EIF4G3: variants seen among roughly 807,000 people sequenced by gnomAD.
EIF4G3 encodes the protein eukaryotic translation initiation factor 4 gamma 3, also known as eIF-4-gamma 3.
Under a neutral mutation model 186.4 loss-of-function variants are expected in EIF4G3, and 34 were observed. That is an observed-to-expected ratio of 0.18 (90% CI 0.14 to 0.24). EIF4G3 has a LOEUF of 0.24. EIF4G3 is among the 10% of genes least tolerant of loss of function. The pLI is 1.00. For synonymous variants in EIF4G3, 673 were observed against 679.5 expected, an observed-to-expected ratio of 0.99 and a Z score of 0.15; for missense variants, 1,536 against 1,948.5, an observed-to-expected ratio of 0.79 and a Z score of 3.99.
intron 13 of EIF4G3, among the ~76,000 whole-genome samples, chr1:20,948,536 A>C (rs922883229): frequency 3.3e-5 from 5 of 152,136 alleles, no homozygotes; most frequent in African/African-American, 4.8e-5. Flanking sequence ...GGAAAATGAA[A>C]TTTCTATACT....
intron 14 of EIF4G3, among the ~76,000 whole-genome samples, chr1:20,914,857 G>A (rs1312177800): frequency 1.3e-5 from 2 of 152,052 alleles, no homozygotes; most frequent in African/African-American, 4.8e-5. Flanking sequence ...GGTCTATCTT[G>A]GTAAATCTTC....
intron 32 of EIF4G3, among the ~76,000 whole-genome samples, chr1:20,826,895 G>A (rs2063797036): frequency 6.6e-6 from 1 of 152,120 alleles, no homozygotes; most frequent in African/African-American, 2.4e-5. Context: ...TAAGCAAAGA[G>A]TAGTATTAAC....
chr1:20,841,175 T>A, intron 29 of EIF4G3, 147 bp from the exon 30 acceptor site: 2 of 739,596 alleles, frequency 2.7e-6, no homozygotes, highest in African/African-American at 1.8e-5. Flanking sequence ...TATATTTGTT[T>A]AACATAATTT....
At chr1:21,085,901 C>A (rs1467200374) in intron 3 of EIF4G3, among the ~76,000 whole-genome samples, 1 of 152,078 alleles carries the variant, frequency 6.6e-6, no homozygotes, top group Non-Finnish European at 1.5e-5. Context: ...ACCATGTTGG[C>A]CAGGATGGTC....
chr1:21,058,200 T>C (rs199589425), intron 3 of EIF4G3, among the ~76,000 whole-genome samples: 1 of 151,850 alleles, frequency 6.6e-6, no homozygotes, highest in Admixed American at 6.6e-5. Flanking sequence ...GGAAACAAAA[T>C]GGGAAAAAAC....
chr1:20,902,297 C>T (rs2090597994), intron 15 of EIF4G3, among the ~76,000 whole-genome samples: 1 of 152,272 alleles, frequency 6.6e-6, no homozygotes, highest in Middle Eastern at 3.4e-3. Context: ...CTTCTGGCCT[C>T]GTGATCTGCC....
chr1:21,111,242 G>C (rs537579998), intron 2 of EIF4G3: 1 of 464,126 alleles, frequency 2.2e-6, no homozygotes, highest in African/African-American at 2.0e-5. Context: ...GTACTAACAA[G>C]TGGCACTCTA....
chr1:21,056,435 GT>G (rs1401410370), intron 3 of EIF4G3, among the ~76,000 whole-genome samples: 7 of 152,206 alleles, frequency 4.6e-5, no homozygotes, highest in Admixed American at 2.6e-4. Context: ...TAGTGTATTT[GT>G]TACAGGGCTT....
chr1:20,924,931 C>T (rs1457436532), intron 14 of EIF4G3, among the ~76,000 whole-genome samples: 1 of 152,174 alleles, frequency 6.6e-6, no homozygotes, highest in African/African-American at 2.4e-5. Flanking sequence ...TTGCTTCTGG[C>T]TTTAATTATG....
At chr1:20,901,803 T>C (rs2090375192) in intron 15 of EIF4G3, among the ~76,000 whole-genome samples, 1 of 152,154 alleles carries the variant, frequency 6.6e-6, no homozygotes, top group African/African-American at 2.4e-5. Context: ...TCCTAAATTG[T>C]TTATGCAGAA....
Position 21,029,204 on chromosome 1 carries a change from G to T in EIF4G3, c.-67+21662C>A, listed in dbSNP as rs1170709103. Among the ~76,000 whole-genome samples the T allele has an allele frequency of 1.2e-4, 18 of 151,888 alleles. 1 individual carries two copies. On this transcript the variant is annotated intron_variant, in intron 4 of 36. Transcript: ENST00000602326. Reference sequence around the variant, plus strand: ...AGCTAATGTTTTATATTTTTTAGTAGAGACAAGGTTTCACCACTTTGGCTA... The same window carrying T: ...AGCTAATGTTTTATATTTTTTAGTATAGACAAGGTTTCACCACTTTGGCTA...
At chr1:21,010,521 G>A (rs2086740508) in intron 4 of EIF4G3, among the ~76,000 whole-genome samples, 1 of 152,042 alleles carries the variant, frequency 6.6e-6, no homozygotes, top group Non-Finnish European at 1.5e-5. Flanking sequence ...ATACAGTACT[G>A]TTAACTATAT....
intron 14 of EIF4G3, among the ~76,000 whole-genome samples, chr1:20,940,459 A>G (rs890038835): frequency 6.6e-6 from 1 of 152,196 alleles, no homozygotes; most frequent in South Asian, 2.1e-4. Context: ...AGCTGGGTAG[A>G]AAAGCCACAT....
chr1:21,010,979 G>GTTCC (rs2086875866), intron 4 of EIF4G3, among the ~76,000 whole-genome samples: 1 of 152,168 alleles, frequency 6.6e-6, no homozygotes, highest in Non-Finnish European at 1.5e-5. Flanking sequence ...GCAGGTGTGG[G>GTTCC]AGGTGAAATA....
chr1:20,893,115 T>G (rs2086702181), intron 18 of EIF4G3: 2 of 185,018 alleles, frequency 1.1e-5, no homozygotes, highest in Admixed American at 5.8e-5. Context: ...TTTTTTGTGG[T>G]AGAGACAGGG....
chr1:20,879,265 G>T, intron 20 of EIF4G3, 58 bp downstream of exon 20: 2 of 1,360,456 alleles, frequency 1.5e-6, no homozygotes, highest in East Asian at 2.6e-5. Context: ...AGAATGTGTA[G>T]TGAGGGGAGA....
At chr1:20,882,253 G>A (rs1305082485) in intron 19 of EIF4G3, among the ~76,000 whole-genome samples, 2 of 151,670 alleles carry the variant, frequency 1.3e-5, no homozygotes, top group Admixed American at 6.6e-5. Flanking sequence ...GCTCATGCCT[G>A]TAATCCCAAC....
chr1:20,817,502 A>G lies in EIF4G3; in HGVS notation c.4405T>C (p.Ser1469Pro). 1.2e-6 allele frequency: 2 copies of G among 1,606,454 alleles called. No homozygotes were observed. Among genetic ancestry groups the G allele is most frequent in the Non-Finnish European group, 1.7e-6 (2 of 1,175,600 alleles). The change falls in exon 34 of 37, where the codon TCT becomes CCT. Residue 1469 changes from serine to proline, a missense_variant. By Grantham distance (74) the Ser-to-Pro change is moderately conservative (BLOSUM62 -1). Transcript: ENST00000602326. ...AGTTCTTTCTTTGAAAGTGCTTCAG[A>G]GGAACAGGGACTGTCAGACTCTATG... Reference protein sequence around the residue: ...DFIESDSPCSSEALSKKELSA... With the variant: ...DFIESDSPCSPEALSKKELSA...
intron 4 of EIF4G3, among the ~76,000 whole-genome samples, chr1:21,010,618 T>C (rs1414156258): frequency 6.6e-6 from 1 of 152,220 alleles, no homozygotes; most frequent in Admixed American, 6.5e-5. Flanking sequence ...ATTGTATTTA[T>C]ATACATTTTA....
Sources: gnomAD v4.1 joint callset for allele counts (sites outside exome capture counted in the v4.1 genomes callset) on GRCh38, gnomAD v4.1.1 for gene constraint, MANE v1.5 for transcripts, NCBI Gene and HGNC (gene_info 2026-07-23, HGNC 2026-07-21) for gene names.